The following SEMA5B variants were observed in gnomAD, a reference collection of about 807,000 sequenced individuals.
SEMA5B encodes semaphorin-5B.
A neutral mutation model predicts 135.0 loss-of-function variants in SEMA5B; 66 were observed. That is an observed-to-expected ratio of 0.49 (90% CI 0.40 to 0.60). SEMA5B has a LOEUF of 0.60. Among genes scored for constraint, SEMA5B ranks in the 20% least tolerant of loss-of-function variants. The pLI is 0.00. For synonymous variants in SEMA5B, 690 were observed against 639.5 expected, an observed-to-expected ratio of 1.08 and a Z score of -1.19; for missense variants, 1,501 against 1,566.3, an observed-to-expected ratio of 0.96 and a Z score of 0.70.
intron 5 of SEMA5B, among the ~76,000 whole-genome samples, chr3:122,939,185 G>A (rs564150683): frequency 3.9e-5 from 6 of 152,276 alleles, no homozygotes; most frequent in East Asian, 1.9e-4. Flanking sequence ...TAGCAGCCTC[G>A]CTGCATGATG....
intron 1 of SEMA5B, among the ~76,000 whole-genome samples, chr3:122,997,612 C>G (rs1016400632): frequency 1.3e-5 from 2 of 152,062 alleles, no homozygotes; most frequent in Non-Finnish European, 2.9e-5. Context: ...TTACTTGAAG[C>G]ATTTCTAGGG....
chr3:123,015,152 C>G (rs1352578187), intron 1 of SEMA5B, among the ~76,000 whole-genome samples: 2 of 152,208 alleles, frequency 1.3e-5, no homozygotes, highest in Non-Finnish European at 2.9e-5. Flanking sequence ...TCTGCCCACA[C>G]CTTGATCTCA....
intron 5 of SEMA5B, 138 bp from the exon 6 acceptor site, chr3:122,929,196 C>T: frequency 3.9e-6 from 3 of 767,618 alleles, no homozygotes; most frequent in South Asian, 1.7e-5. Flanking sequence ...GGTGAGGGCT[C>T]CTCTCACTAC....
chr3:122,939,965 C>T (rs1051354290), intron 4 of SEMA5B, among the ~76,000 whole-genome samples: 6 of 152,068 alleles, frequency 3.9e-5, no homozygotes, highest in Non-Finnish European at 7.4e-5. Context: ...CTCCACATCC[C>T]GGGGTCCTGA....
intron 1 of SEMA5B, among the ~76,000 whole-genome samples, chr3:123,001,737 CAGGCA>C (rs1942180037): frequency 6.6e-6 from 1 of 152,160 alleles, no homozygotes; most frequent in Non-Finnish European, 1.5e-5. Flanking sequence ...AGCGAGTAGC[CAGGCA>C]AGGTACTTAG....
At chr3:123,026,585 C>G (rs1188179112) in intron 1 of SEMA5B, among the ~76,000 whole-genome samples, 1 of 152,202 alleles carries the variant, frequency 6.6e-6, no homozygotes, top group African/African-American at 2.4e-5. Flanking sequence ...TCCGCCGGTC[C>G]GGCGACCACT....
chr3:122,914,307 G>A (rs985456778), intron 14 of SEMA5B, among the ~76,000 whole-genome samples: 2 of 152,316 alleles, frequency 1.3e-5, no homozygotes, highest in South Asian at 2.1e-4. Context: ...TAGAGAAGAA[G>A]GCCCTAGTCC....
intron 1 of SEMA5B, among the ~76,000 whole-genome samples, chr3:123,015,064 C>T (rs1942525904): frequency 6.6e-6 from 1 of 152,038 alleles, no homozygotes; most frequent in African/African-American, 2.4e-5. Context: ...ACAAGAAACA[C>T]CAAAGAATGC....
intron 1 of SEMA5B, among the ~76,000 whole-genome samples, chr3:123,015,303 TAA>T (rs1277783753): frequency 5.3e-5 from 8 of 152,198 alleles, no homozygotes; most frequent in Admixed American, 5.2e-4. Context: ...TGCGTTATGT[TAA>T]AGAGACCCTG....
In SEMA5B at chr3:122,922,056, T is replaced by A. The variant is rs548759031; in HGVS notation, c.1547A>T (p.Glu516Val). 2.7e-6 allele frequency: 4 copies of A among 1,494,326 alleles called. No homozygotes were observed. Among genetic ancestry groups the A allele is most frequent in the Admixed American group, 2.3e-5 (1 of 42,690 alleles). 92.6% of individuals were successfully genotyped at this position (1,494,326 alleles called of 1,614,324 possible). Residue 516 changes from glutamate to valine, a missense_variant, in exon 12 of 23, where the codon GAG becomes GTG. This residue lies in a region of SEMA5B where 927 missense variants were observed against 881.6 expected (regional missense o/e 1.05). Transcript: ENST00000357599. ...SRSLHGCYLE[E>V]LHVLPPGRRE... ...GCGCCCGGGGGGCAGCACGTGCAGCTCCTCCAGGTAGCAGCCGTGGAGGCT... is the reference window on the plus strand; with the variant it reads ...GCGCCCGGGGGGCAGCACGTGCAGCACCTCCAGGTAGCAGCCGTGGAGGCT...
At chr3:122,912,412 C>G (rs755323989) in intron 18 of SEMA5B, 70 bp from the exon 19 acceptor site, 2 of 1,366,868 alleles carry the variant, frequency 1.5e-6, no homozygotes, top group Non-Finnish European at 2.0e-6. Flanking sequence ...CCATCCCATA[C>G]CAGCCCAGAC....
In SEMA5B at chr3:122,989,419, C is replaced by A. The variant is rs1941803558; in HGVS notation, c.-38-28118G>T. Among the ~76,000 whole-genome samples, 4 of 152,314 alleles carry A rather than the reference C, an allele frequency of 2.6e-5. No individual in the cohort carries two copies. In the South Asian group the frequency reaches 8.3e-4, roughly 32 times the overall value. ...GCAGTGTCCTGGCTCTGAACCTTCC[C>A]CTCATAGTCGACCCTAGACTGGCCC... On this transcript the variant is annotated intron_variant, in intron 1 of 22. Transcript: ENST00000357599.
intron 18 of SEMA5B, among the ~76,000 whole-genome samples, 172 bp downstream of exon 18, chr3:122,912,671 C>A (rs112506889): frequency 6.6e-6 from 1 of 151,750 alleles, no homozygotes; most frequent in Non-Finnish European, 1.5e-5. Context: ...CCGGAGTAGC[C>A]ATTGCATCTA....
intron 2 of SEMA5B, among the ~76,000 whole-genome samples, chr3:122,952,569 G>C (rs78840899): frequency 6.6e-6 from 1 of 152,196 alleles, no homozygotes; most frequent in Non-Finnish European, 1.5e-5. Flanking sequence ...AAAGGCCTAG[G>C]GCAGTACCTG....
chr3:122,925,680 AAAAAAGAAAAAAAAAG>A (rs1265275647), intron 9 of SEMA5B, among the ~76,000 whole-genome samples: 3 of 152,090 alleles, frequency 2.0e-5, no homozygotes, highest in Non-Finnish European at 4.4e-5. Context: ...AAACAAAAAG[AAAAAAGAAAAAAAAAG>A]AAAAAGAAAA....
chr3:123,014,601 C>T (rs1430822220), intron 1 of SEMA5B, among the ~76,000 whole-genome samples: 2 of 152,228 alleles, frequency 1.3e-5, no homozygotes, highest in Admixed American at 1.3e-4. Context: ...CTGCAGAGCT[C>T]CAACCCACAC....
At chr3:122,970,491 G>A (rs531137612) in intron 1 of SEMA5B, among the ~76,000 whole-genome samples, 169 of 152,246 alleles carry the variant, frequency 1.1e-3, no homozygotes, top group African/African-American at 3.9e-3. Flanking sequence ...ACCGCACTTT[G>A]GGAACCACTG....
At position 122,913,022 on chromosome 3, in the gene SEMA5B, G is replaced by A; in HGVS notation, c.2546C>T (p.Pro849Leu). ...GGCCCAGCCCCCGCTCACCGTGTGC[G>A]GGGAGGTGCTCCCGCTGCGCAGGAG... ...EVLLRSGSTSPHTVSGGWAAW... is the reference protein window; with the variant it reads ...EVLLRSGSTSLHTVSGGWAAW... The change falls in exon 18 of 23, where the codon CCG becomes CTG. Residue 849 changes from proline (P) to leucine (L), a missense_variant. By Grantham distance (98) the Pro-to-Leu change is moderately conservative. Transcript: ENST00000357599. 1.3e-6 allele frequency: 2 copies of A among 1,590,256 alleles called. No individual in the cohort carries two copies. The highest frequency in any genetic ancestry group is 1.7e-6 in the Non-Finnish European group (2 of 1,168,786).
chr3:122,938,662 C>T (rs550053677), intron 5 of SEMA5B, among the ~76,000 whole-genome samples: 7 of 152,338 alleles, frequency 4.6e-5, no homozygotes, highest in South Asian at 2.1e-4. Context: ...AGTTCTGGTA[C>T]ACAGTAAGTG....
Sources: allele counts gnomAD v4.1 joint callset (sites outside exome capture counted in the v4.1 genomes callset), GRCh38; gene constraint gnomAD v4.1.1; regional missense constraint gnomAD v4.1.1; transcripts MANE v1.5; gene names NCBI Gene and HGNC (gene_info 2026-07-23, HGNC 2026-07-21).